Variants in PTP4A2 observed in about 807,000 individuals in gnomAD.
The protein encoded by PTP4A2 is protein tyrosine phosphatase type IVA 2.
In PTP4A2, 2 loss-of-function variants were observed where a neutral mutation model predicts 22.9. The observed-to-expected ratio is 0.09, with a 90% CI of 0.04 to 0.27. The LOEUF (loss-of-function observed/expected upper bound fraction) is 0.27. Among genes scored for constraint, PTP4A2 ranks in the 10% least tolerant of loss-of-function variants. PTP4A2 has a pLI of 1.00. For synonymous variants in PTP4A2, 68 were observed against 69.1 expected, an observed-to-expected ratio of 0.98 and a Z score of 0.08; for missense variants, 103 against 205.1, an observed-to-expected ratio of 0.50 and a Z score of 3.04.
At chr1:31,928,628 C>T (rs549846850) in intron 1 of PTP4A2, among the ~76,000 whole-genome samples, 1 of 138,330 alleles carries the variant, frequency 7.2e-6, no homozygotes, top group Non-Finnish European at 1.5e-5. Context: ...ACCTGGGAGG[C>T]GGAAGTTGCA....
intron 1 of PTP4A2, among the ~76,000 whole-genome samples, chr1:31,926,803 G>C (rs1261563748): frequency 6.6e-6 from 1 of 152,188 alleles, no homozygotes. Flanking sequence ...AGAAAAATTA[G>C]AAGTAGGGGA....
chr1:31,922,465 A>G (rs1322542570), intron 1 of PTP4A2, among the ~76,000 whole-genome samples: 2 of 152,190 alleles, frequency 1.3e-5, no homozygotes, highest in Non-Finnish European at 2.9e-5. Flanking sequence ...CCTGGGCAAC[A>G]AGAGAGAAAC....
At chr1:31,916,017 C>A in intron 2 of PTP4A2, 30 bp from the exon 3 acceptor site, 1 of 1,452,200 alleles carries the variant, frequency 6.9e-7, no homozygotes, top group South Asian at 1.3e-5. Context: ...TATAATGGAA[C>A]TTGTTTTTGA....
intron 1 of PTP4A2, among the ~76,000 whole-genome samples, chr1:31,924,506 C>T (rs1197264278): frequency 6.6e-6 from 1 of 152,206 alleles, no homozygotes; most frequent in Non-Finnish European, 1.5e-5. Context: ...AACAACCTAT[C>T]ACAGCTAGAA....
At position 31,938,345 on chromosome 1, in the gene PTP4A2, C is replaced by T. The variant is rs1653045375; in HGVS notation, c.-952G>A. 1 of 149,186 alleles carries T rather than the reference C, an allele frequency of 6.7e-6. No homozygotes were observed. The allele number at this position is 149,186 out of a possible 1,614,324, so 9.2% of individuals were successfully genotyped here. On this transcript the variant is annotated 5_prime_UTR_variant, in exon 1 of 6. Transcript: ENST00000647444. The surrounding 1 kb of genome is among the most constrained non-coding windows in gnomAD (Gnocchi z 4.4). Reference sequence around the variant, plus strand: ...ACAGCCCGGCCGATCGCGCCGCCACCACCACCGCTGCGCGCGCAGCCGGAA... The same window carrying T: ...ACAGCCCGGCCGATCGCGCCGCCACTACCACCGCTGCGCGCGCAGCCGGAA...
At chr1:31,931,832 C>A (rs2124266384) in intron 1 of PTP4A2, among the ~76,000 whole-genome samples, 1 of 152,294 alleles carries the variant, frequency 6.6e-6, no homozygotes, top group Non-Finnish European at 1.5e-5. Flanking sequence ...GCTGACAAAT[C>A]CTGCTGGTGA....
At chr1:31,916,102 T>C in intron 2 of PTP4A2, 115 bp from the exon 3 acceptor site, 1 of 622,086 alleles carries the variant, frequency 1.6e-6, no homozygotes, top group Non-Finnish European at 2.7e-6. Flanking sequence ...TCCCAGCACT[T>C]TGGGAGGCCT....
intron 1 of PTP4A2, chr1:31,935,726 T>C (rs541781024): frequency 1.3e-5 from 2 of 152,362 alleles, no homozygotes; most frequent in East Asian, 1.9e-4. Context: ...TTTCTTGTAG[T>C]TGTGAGAATT....
At chr1:31,928,696 C>CAAA (rs1162186046) in intron 1 of PTP4A2, among the ~76,000 whole-genome samples, 1,270 of 57,260 alleles carry the variant, frequency 0.022, 25 homozygotes, top group Non-Finnish European at 0.038. Flanking sequence ...AACTCTGTCT[C>CAAA]AAAAAAAAAA....
intron 1 of PTP4A2, among the ~76,000 whole-genome samples, chr1:31,923,813 G>T (rs1652319871): frequency 6.6e-6 from 1 of 152,176 alleles, no homozygotes; most frequent in South Asian, 2.1e-4. Context: ...CAGGCCTCGT[G>T]AGCCACTAAG....
intron 1 of PTP4A2, 38 bp from the exon 2 acceptor site, chr1:31,919,696 T>C (rs1410349486): frequency 6.6e-6 from 1 of 152,652 alleles, no homozygotes; most frequent in Non-Finnish European, 1.5e-5. Flanking sequence ...AACTAGAGGC[T>C]GATGGCACAG....
At chr1:31,921,035 A>C (rs1157696442) in intron 1 of PTP4A2, among the ~76,000 whole-genome samples, 1 of 152,214 alleles carries the variant, frequency 6.6e-6, no homozygotes, top group African/African-American at 2.4e-5. Context: ...CTAACTCATA[A>C]GGCACTCTCA....
rs1197157844 is a variant in PTP4A2 at position 31,906,508 on chromosome 1, ATC to A, written c.*2342_*2343del. ...TGCACACCTTTCAAATCAATCTGAC[ATC>A]TCTCTATGTCAAACTGGCTTCAGCT... On this transcript the variant is annotated 3_prime_UTR_variant, in exon 6 of 6. Coordinates refer to ENST00000647444, the MANE Select transcript of PTP4A2 (RefSeq NM_080391.4). 2 of 152,178 alleles carry A rather than the reference ATC, an allele frequency of 1.3e-5. No individual in the cohort carries two copies. Among genetic ancestry groups the A allele is most frequent in the South Asian group, 4.1e-4 (2 of 4,834 alleles). The allele number at this position is 152,178 out of a possible 1,614,324, so 9.4% of individuals were successfully genotyped here.
intron 2 of PTP4A2, among the ~76,000 whole-genome samples, chr1:31,917,118 G>GGA (rs1651888820): frequency 6.6e-6 from 1 of 152,198 alleles, no homozygotes; most frequent in South Asian, 2.1e-4. Context: ...GGAGGACAGT[G>GGA]GCCTGTGCCA....
intron 1 of PTP4A2, chr1:31,921,683 T>C (rs983796456): frequency 2.0e-5 from 3 of 152,182 alleles, no homozygotes; most frequent in African/African-American, 7.2e-5. Flanking sequence ...AAGGCTTATT[T>C]AGAAGTCTCT....
At chr1:31,936,539 G>A (rs1035195084) in intron 1 of PTP4A2, among the ~76,000 whole-genome samples, 1 of 152,122 alleles carries the variant, frequency 6.6e-6, no homozygotes, top group Admixed American at 6.5e-5. Flanking sequence ...TTATTTTTAA[G>A]ATAACATCAT....
At chr1:31,913,722 T>C (rs943064941) in intron 3 of PTP4A2, 4 of 441,310 alleles carry the variant, frequency 9.1e-6, no homozygotes, top group Non-Finnish European at 1.8e-5. Context: ...ATCTTAGGCC[T>C]ACCATTATCT....
chr1:31,925,018 C>T (rs1303171648), intron 1 of PTP4A2, among the ~76,000 whole-genome samples: 1 of 152,162 alleles, frequency 6.6e-6, no homozygotes, highest in Non-Finnish European at 1.5e-5. Flanking sequence ...ACAGTATCAA[C>T]AGTGTGCTTA....
intron 1 of PTP4A2, chr1:31,935,570 C>T (rs999880510): frequency 6.6e-6 from 1 of 152,158 alleles, no homozygotes; most frequent in African/African-American, 2.4e-5. Flanking sequence ...TCTGTATGAC[C>T]TGGGACAAGT....
Sources: allele counts gnomAD v4.1 joint callset (sites outside exome capture counted in the v4.1 genomes callset), GRCh38; gene constraint gnomAD v4.1.1; non-coding constraint Gnocchi (gnomAD v3.1); transcripts MANE v1.5; gene names NCBI Gene and HGNC (gene_info 2026-07-23, HGNC 2026-07-21).